The following NLGN4X variants were observed in gnomAD, a reference collection of about 807,000 sequenced individuals.
The protein encoded by NLGN4X is neuroligin 4 X-linked, also known as neuroligin-4, X-linked.
A neutral mutation model predicts 40.3 loss-of-function variants in NLGN4X; 3 were observed. The ratio of observed to expected loss-of-function variants is 0.07; its 90% CI spans 0.03 to 0.19. The LOEUF is 0.19. NLGN4X is among the 10% of genes least tolerant of loss of function. NLGN4X has a pLI of 1.00. For synonymous variants in NLGN4X, 270 were observed against 306.8 expected, an observed-to-expected ratio of 0.88 and a Z score of 1.25; for missense variants, 382 against 708.3, an observed-to-expected ratio of 0.54 and a Z score of 5.23.
chrX:6,022,253 T>C (rs1354814384), intron 3 of NLGN4X, among the ~76,000 whole-genome samples: 1 of 111,418 alleles, frequency 9.0e-6, no homozygotes, highest in Non-Finnish European at 1.9e-5. Flanking sequence ...AAGAGAGGGA[T>C]TCTAATGAAA....
At chrX:5,974,276 A>G (rs1300534888) in intron 3 of NLGN4X, among the ~76,000 whole-genome samples, 2 of 112,319 alleles carry the variant, frequency 1.8e-5, no homozygotes, top group African/African-American at 6.5e-5. Flanking sequence ...ACTGAAATGA[A>G]ACATCATTCA....
At chrX:5,943,818 T>C (rs1423508444) in intron 3 of NLGN4X, among the ~76,000 whole-genome samples, 1 of 112,506 alleles carries the variant, frequency 8.9e-6, no homozygotes, top group African/African-American at 3.2e-5. Flanking sequence ...GCCTTGTTAC[T>C]CTATGCCTAA....
At chrX:5,960,092 A>G (rs959086672) in intron 3 of NLGN4X, among the ~76,000 whole-genome samples, 2 of 111,551 alleles carry the variant, frequency 1.8e-5, no homozygotes, top group African/African-American at 3.3e-5. Flanking sequence ...AGTGTTGTCG[A>G]TAAGTGTTCC....
At chrX:5,926,951 T>TCTAA (rs2033352657) in intron 3 of NLGN4X, among the ~76,000 whole-genome samples, 1 of 108,351 alleles carries the variant, frequency 9.2e-6, no homozygotes, top group Non-Finnish European at 1.9e-5. Context: ...TATCTATCTA[T>TCTAA]CTATCTATCT....
chrX:6,050,627 T>C (rs143719232), intron 2 of NLGN4X, among the ~76,000 whole-genome samples: 2,056 of 111,562 alleles, frequency 0.018, 41 homozygotes, highest in African/African-American at 0.061. Context: ...ATATCTATCA[T>C]CTCTATCCAT....
At chrX:6,024,798 T>C (rs2036646195) in intron 3 of NLGN4X, among the ~76,000 whole-genome samples, 1 of 111,637 alleles carries the variant, frequency 9.0e-6, no homozygotes, top group Non-Finnish European at 1.9e-5. Flanking sequence ...TTCCAATAAT[T>C]GCCACCCCTT....
intron 1 of NLGN4X, among the ~76,000 whole-genome samples, chrX:6,190,469 C>T (rs1922447214): frequency 8.9e-6 from 1 of 112,167 alleles, no homozygotes; most frequent in Non-Finnish European, 1.9e-5. Context: ...TTCAGATTTG[C>T]AGCTGAACCA....
In NLGN4X at chrX:5,956,615, C is replaced by A. The variant is rs141436821; in HGVS notation, c.626-47376G>T. Among the ~76,000 whole-genome samples, 616 of 111,196 alleles carry A rather than the reference C, an allele frequency of 5.5e-3. 6 individuals carry two copies. Among genetic ancestry groups the A allele is most frequent in the African/African-American group, 0.019 (590 of 30,560 alleles). On this transcript the variant is annotated intron_variant, in intron 3 of 5. Transcript: ENST00000381095. The stretch of plus-strand genomic sequence containing the variant: ...GGAACTGAGCAGATCACTTTGGGGA[C>A]AATCATCTATGCCCCAGTTCAAAAT...
At chrX:6,098,728 C>T (rs2038839612) in intron 2 of NLGN4X, among the ~76,000 whole-genome samples, 1 of 111,299 alleles carries the variant, frequency 9.0e-6, no homozygotes, top group Non-Finnish European at 1.9e-5. Context: ...TCCTTCGAGC[C>T]CTGGAGTCTT....
intron 1 of NLGN4X, among the ~76,000 whole-genome samples, chrX:6,155,594 T>A (rs2040246417): frequency 8.9e-6 from 1 of 111,905 alleles, no homozygotes. Flanking sequence ...AAGTCCTCCA[T>A]CCCTGCTCAA....
intron 1 of NLGN4X, among the ~76,000 whole-genome samples, chrX:6,192,002 T>G (rs111466714): frequency 0.029 from 3,234 of 112,114 alleles, 123 homozygotes; most frequent in African/African-American, 0.097. Context: ...TTCAGCAATA[T>G]TGATGAGTTC....
intron 2 of NLGN4X, among the ~76,000 whole-genome samples, chrX:6,041,985 C>T (rs1408695544): frequency 8.9e-6 from 1 of 111,972 alleles, no homozygotes; most frequent in Non-Finnish European, 1.9e-5. Context: ...TAATTCATGA[C>T]GTGGCAATAA....
At chrX:6,022,457 A>G (rs2036582121) in intron 3 of NLGN4X, among the ~76,000 whole-genome samples, 1 of 112,408 alleles carries the variant, frequency 8.9e-6, no homozygotes, top group Admixed American at 9.4e-5. Context: ...CAAATGTACC[A>G]AAAATAGAGC....
intron 1 of NLGN4X, among the ~76,000 whole-genome samples, chrX:6,178,553 AATCTGCCT>A (rs1921057778): frequency 8.9e-6 from 1 of 112,497 alleles, no homozygotes; most frequent in Non-Finnish European, 1.9e-5. Context: ...GGACAGATTG[AATCTGCCT>A]AAACTGCTAG....
chrX:5,997,842 A>G (rs1380808906), intron 3 of NLGN4X, among the ~76,000 whole-genome samples: 1 of 110,280 alleles, frequency 9.1e-6, no homozygotes, highest in Non-Finnish European at 1.9e-5. Flanking sequence ...TGCCATAGGT[A>G]GAGAAACCTG....
chrX:5,986,132 A>C (rs1379445626), intron 3 of NLGN4X, among the ~76,000 whole-genome samples: 1 of 112,514 alleles, frequency 8.9e-6, no homozygotes, highest in Non-Finnish European at 1.9e-5. Context: ...TGAACAACAT[A>C]CTTCAACAGT....
intron 3 of NLGN4X, among the ~76,000 whole-genome samples, chrX:5,948,436 A>T (rs2034200423): frequency 8.9e-6 from 1 of 112,639 alleles, no homozygotes; most frequent in Non-Finnish European, 1.9e-5. Flanking sequence ...TATTATGCTT[A>T]TTAGGAACTA....
At chrX:6,161,011 A>C in intron 1 of NLGN4X, among the ~76,000 whole-genome samples, 1 of 98,521 alleles carries the variant, frequency 1.0e-5, no homozygotes, top group Non-Finnish European at 2.0e-5. Flanking sequence ...ATATTATTCT[A>C]TATATAATAT....
intron 1 of NLGN4X, 49 bp from the exon 2 acceptor site, chrX:6,151,820 A>G: frequency 3.7e-6 from 1 of 271,220 alleles, no homozygotes; most frequent in Non-Finnish European, 6.6e-6. Flanking sequence ...CACAACGACC[A>G]CCTAGAACAC....
Sources: allele counts gnomAD v4.1 joint callset (sites outside exome capture counted in the v4.1 genomes callset), GRCh38; gene constraint gnomAD v4.1.1; transcripts MANE v1.5; gene names NCBI Gene and HGNC (gene_info 2026-07-23, HGNC 2026-07-21).